The following GLYATL1 variants were observed in gnomAD, a reference collection of about 807,000 sequenced individuals.
The protein encoded by GLYATL1 is glycine N-acyltransferase-like protein 1.
Under a neutral mutation model 20.0 loss-of-function variants are expected in GLYATL1, and 15 were observed. The ratio of observed to expected loss-of-function variants is 0.75; its 90% CI spans 0.50 to 1.15. The LOEUF (loss-of-function observed/expected upper bound fraction) is 1.15. Among genes scored for constraint, GLYATL1 ranks in the 50% most tolerant of loss-of-function variants. The pLI is 0.00. For synonymous variants in GLYATL1, 151 were observed against 131.5 expected (o/e 1.15, Z -1.01); for missense variants, 380 against 368.5 (o/e 1.03, Z -0.26).
chr11:58,909,733 G>A (rs1169465125), downstream of GLYATL1, among the ~76,000 whole-genome samples: 3 of 152,146 alleles, frequency 2.0e-5, no homozygotes, highest in Non-Finnish European at 4.4e-5. Flanking sequence ...AAGGTAGTGT[G>A]GTGCCAAGAT....
chr11:58,938,572 T>C (rs1281566166), upstream of GLYATL1, among the ~76,000 whole-genome samples: 3 of 152,174 alleles, frequency 2.0e-5, no homozygotes, highest in Admixed American at 1.3e-4. Flanking sequence ...GGGACTGATA[T>C]CAGAACTAAG....
intron 4 of GLYATL1, among the ~76,000 whole-genome samples, chr11:58,948,741 T>C (rs1453261821): frequency 6.6e-6 from 1 of 152,246 alleles, no homozygotes; most frequent in Non-Finnish European, 1.5e-5. Flanking sequence ...CTCTCGTTAG[T>C]GAATGTTATC....
At position 58,915,557 on chromosome 11, in the gene GLYATL1, C is replaced by G. The variant is rs564794530; in HGVS notation, n.264+9896C>G. On this transcript the variant is annotated intron_variant and non_coding_transcript_variant, in intron 1 of 2. Transcript: ENST00000534674. ...AACTCAGGAATTCTCAAAGCCTGGC[C>G]CCTGGGCCAGCAAGATCAACACAAT... 5.3e-5 allele frequency among the ~76,000 whole-genome samples: 8 copies of G among 151,768 alleles called. No individual in the cohort carries two copies. In the South Asian group the frequency reaches 1.5e-3, roughly 28 times the overall value.
intron 1 of GLYATL1, among the ~76,000 whole-genome samples, chr11:58,920,106 C>T (rs1169277817): frequency 6.6e-6 from 1 of 152,162 alleles, no homozygotes; most frequent in Non-Finnish European, 1.5e-5. Flanking sequence ...CCATTGCTGC[C>T]TGTTTTGCCT....
intron 2 of GLYATL1, 71 bp downstream of exon 2, chr11:58,943,737 T>C: frequency 6.3e-7 from 1 of 1,578,116 alleles, no homozygotes; most frequent in African/African-American, 1.4e-5. Flanking sequence ...TTGGAGCAAA[T>C]TTCTGATCCA....
At chr11:58,944,434 GA>G (rs1310251780) in intron 2 of GLYATL1, among the ~76,000 whole-genome samples, 3 of 151,750 alleles carry the variant, frequency 2.0e-5, no homozygotes, top group Non-Finnish European at 4.4e-5. Context: ...GGGGAAAAAA[GA>G]AAAAAATATA....
At chr11:58,932,842 C>T (rs1015069957) in intron 1 of GLYATL1, among the ~76,000 whole-genome samples, 8 of 152,094 alleles carry the variant, frequency 5.3e-5, no homozygotes, top group African/African-American at 1.9e-4. Context: ...TAGTGGTTGT[C>T]CTTGAGAATG....
chr11:58,935,484 A>G (rs1048506474), upstream of GLYATL1: 1 of 152,178 alleles, frequency 6.6e-6, no homozygotes, highest in Non-Finnish European at 1.5e-5. Context: ...TTTCTCTGCT[A>G]CACAACATTT....
At chr11:58,950,696 A>T (rs1170974181) in intron 4 of GLYATL1, among the ~76,000 whole-genome samples, 1 of 152,212 alleles carries the variant, frequency 6.6e-6, no homozygotes, top group Non-Finnish European at 1.5e-5. Flanking sequence ...TGTATGGAAG[A>T]ATTGTTTCCC....
At chr11:58,951,041 A>C (rs1158896016) in intron 4 of GLYATL1, among the ~76,000 whole-genome samples, 1 of 151,868 alleles carries the variant, frequency 6.6e-6, no homozygotes, top group Non-Finnish European at 1.5e-5. Flanking sequence ...GAAATTTTTT[A>C]TTTTCATGTA....
At chr11:58,914,606 C>T (rs915508867) in intron 1 of GLYATL1, among the ~76,000 whole-genome samples, 1 of 152,124 alleles carries the variant, frequency 6.6e-6, no homozygotes, top group Non-Finnish European at 1.5e-5. Context: ...GTGGGGATTT[C>T]CATATGATAA....
upstream of GLYATL1, among the ~76,000 whole-genome samples, chr11:58,924,239 C>T (rs999254501): frequency 3.9e-5 from 6 of 152,132 alleles, no homozygotes; most frequent in Non-Finnish European, 7.4e-5. Context: ...GTTCTACTAA[C>T]GATTAAAACT....
chr11:58,941,260 A>C (rs1856126092), intron 1 of GLYATL1, among the ~76,000 whole-genome samples: 1 of 132,010 alleles, frequency 7.6e-6, no homozygotes, highest in Admixed American at 9.4e-5. Flanking sequence ...CTCATTGTTC[A>C]ATTCCCATCT....
At chr11:58,948,262 C>A (rs1293064781) in intron 4 of GLYATL1, among the ~76,000 whole-genome samples, 1 of 152,074 alleles carries the variant, frequency 6.6e-6, no homozygotes, top group African/African-American at 2.4e-5. Flanking sequence ...TGAAAGGAGG[C>A]CAATTTACAG....
At chr11:58,933,062 G>A (rs1391082196) in intron 1 of GLYATL1, among the ~76,000 whole-genome samples, 1 of 152,164 alleles carries the variant, frequency 6.6e-6, no homozygotes, top group Admixed American at 6.5e-5. Flanking sequence ...GTATTCACAG[G>A]ATACTAGCTT....
At chr11:58,907,237 G>T (rs1463014578) in intron 1 of GLYATL1, 4 of 456,152 alleles carry the variant, frequency 8.8e-6, no homozygotes, top group African/African-American at 2.0e-5. Flanking sequence ...CTCTGCCTCT[G>T]CAGGTCACCC....
upstream of GLYATL1, among the ~76,000 whole-genome samples, chr11:58,922,713 C>T (rs1353736639): frequency 2.0e-5 from 3 of 152,128 alleles, no homozygotes; most frequent in Non-Finnish European, 4.4e-5. Flanking sequence ...CTTCCTATGC[C>T]GTTGATTTTT....
chr11:58,948,503 G>A (rs935156399), intron 4 of GLYATL1, among the ~76,000 whole-genome samples: 1 of 152,134 alleles, frequency 6.6e-6, no homozygotes, highest in African/African-American at 2.4e-5. Flanking sequence ...AGCAGGGCAT[G>A]GTGGTGCATG....
chr11:58,954,588 C>T (rs1167074519), intron 4 of GLYATL1, among the ~76,000 whole-genome samples, 182 bp from the exon 5 acceptor site: 1 of 152,128 alleles, frequency 6.6e-6, no homozygotes, highest in Admixed American at 6.5e-5. Context: ...ACTCCAGTTA[C>T]ACAGGTAAGA....
Sources: allele counts gnomAD v4.1 joint callset (sites outside exome capture counted in the v4.1 genomes callset), GRCh38; gene constraint gnomAD v4.1.1; transcripts MANE v1.5; gene names NCBI Gene and HGNC (gene_info 2026-07-23, HGNC 2026-07-21).